Variants in HAO2 observed in about 807,000 individuals in gnomAD.
HAO2 encodes the protein hydroxyacid oxidase 2, also known as 2-Hydroxyacid oxidase 2.
A neutral mutation model predicts 37.4 loss-of-function variants in HAO2; 42 were observed. The observed-to-expected ratio is 1.12, with a 90% CI of 0.88 to 1.45. HAO2 has a LOEUF of 1.45. Ranked by LOEUF, HAO2 falls within the 40% of genes most tolerant of loss-of-function variation. HAO2 has a pLI of 0.00. For synonymous variants in HAO2, 180 were observed against 162.8 expected, an observed-to-expected ratio of 1.11 and a Z score of -0.81; for missense variants, 476 against 430.2, an observed-to-expected ratio of 1.11 and a Z score of -0.94.
intron 1 of HAO2, among the ~76,000 whole-genome samples, chr1:119,379,259 CCAAAA>C (rs1347837223): frequency 3.9e-5 from 6 of 152,138 alleles, no homozygotes; most frequent in African/African-American, 1.4e-4. Flanking sequence ...CTAGCCCATA[CCAAAA>C]TTCTAGAGTC....
At chr1:119,379,776 C>T (rs1490639721) in intron 1 of HAO2, among the ~76,000 whole-genome samples, 1 of 152,104 alleles carries the variant, frequency 6.6e-6, no homozygotes, top group Non-Finnish European at 1.5e-5. Flanking sequence ...TTTCTTCCTG[C>T]TTGGCCCTTA....
At chr1:119,389,158 A>ACGTATATATATGTG in intron 5 of HAO2, among the ~76,000 whole-genome samples, 2 of 83,260 alleles carry the variant, frequency 2.4e-5, no homozygotes, top group African/African-American at 9.9e-5. Context: ...ATATATATAT[A>ACGTATATATATGTG]TATATATATA....
intron 3 of HAO2, among the ~76,000 whole-genome samples, chr1:119,384,384 A>T (rs1158118312): frequency 6.6e-6 from 1 of 152,188 alleles, no homozygotes; most frequent in Non-Finnish European, 1.5e-5. Context: ...GAAGTTCAGG[A>T]TTCTCCACTG....
At chr1:119,381,304 C>A in intron 2 of HAO2, 88 bp downstream of exon 2, 3 of 913,714 alleles carry the variant, frequency 3.3e-6, no homozygotes, top group Non-Finnish European at 1.8e-6. Flanking sequence ...TTTCTGCCTC[C>A]AAAAAACACA....
chr1:119,378,656 C>T (rs1231457501), intron 1 of HAO2, among the ~76,000 whole-genome samples: 1 of 152,200 alleles, frequency 6.6e-6, no homozygotes, highest in African/African-American at 2.4e-5. Flanking sequence ...AATCACATAA[C>T]TGACACTATT....
chr1:119,386,502 A>G (rs1307884589), intron 4 of HAO2, 120 bp from the exon 5 acceptor site: 3 of 678,210 alleles, frequency 4.4e-6, no homozygotes, highest in African/African-American at 3.6e-5. Context: ...CACCATGCCC[A>G]GCCCTGTTCT....
rs1650984872 is a variant in HAO2, at chr1:119,392,402, TC to T, written c.930+136del. 1.0e-4 allele frequency: 79 copies of T among 787,144 alleles called. 3 individuals carry two copies. The South Asian group carries it at 1.3e-3, about 13-fold the overall frequency. 48.8% of individuals were successfully genotyped at this position (787,144 alleles called of 1,614,324 possible). On this transcript the variant is annotated intron_variant, in intron 6 of 7. Transcript: ENST00000325945. ...AGGATAGTTACACCTAAGCTGCATC[TC>T]CATGCTTCTTCTGAAGCCCATTGCA...
chr1:119,385,195 C>A, intron 4 of HAO2, 142 bp downstream of exon 4: 1 of 1,427,750 alleles, frequency 7.0e-7, no homozygotes, highest in Admixed American at 2.8e-5. Context: ...AAAGCAGTTT[C>A]AAAAAGCAGA....
At chr1:119,389,030 G>T (rs1650608856) in intron 5 of HAO2, among the ~76,000 whole-genome samples, 1 of 146,710 alleles carries the variant, frequency 6.8e-6, no homozygotes, top group Non-Finnish European at 1.5e-5. Context: ...ATGATGTTTG[G>T]TTTTCCATTC....
At chr1:119,369,945 T>C (rs1228788477) in intron 1 of HAO2, 3 of 152,080 alleles carry the variant, frequency 2.0e-5, no homozygotes, top group Non-Finnish European at 4.4e-5. Flanking sequence ...CAGGCTATGT[T>C]ATAGTAAAGA....
Sources: allele counts gnomAD v4.1 joint callset (sites outside exome capture counted in the v4.1 genomes callset), GRCh38; gene constraint gnomAD v4.1.1; transcripts MANE v1.5; gene names NCBI Gene and HGNC (gene_info 2026-07-23, HGNC 2026-07-21).